CACNA1E: variants seen among roughly 807,000 people sequenced by gnomAD.
CACNA1E encodes calcium voltage-gated channel subunit alpha1 E, also known as voltage-dependent R-type calcium channel subunit alpha-1E.
Under a neutral mutation model 259.2 loss-of-function variants are expected in CACNA1E, and 40 were observed. The observed-to-expected ratio is 0.15, with a 90% CI of 0.12 to 0.20. The LOEUF is 0.20. Among genes scored for constraint, CACNA1E ranks in the 10% least tolerant of loss-of-function variants. The probability of loss-of-function intolerance (pLI) is 1.00; values close to 1 mark genes in which losing one functional copy is unlikely to be tolerated. For missense variants in CACNA1E, 1,874 were observed against 3,040.1 expected (o/e 0.62, Z 9.02); for synonymous variants, 1,104 against 1,138.5 (o/e 0.97, Z 0.61).
chr1:181,557,512 T>C (rs1648860483), intron 3 of CACNA1E, among the ~76,000 whole-genome samples: 1 of 152,218 alleles, frequency 6.6e-6, no homozygotes, highest in African/African-American at 2.4e-5. Flanking sequence ...CCTGTTCGCA[T>C]GCCAAGTACT....
intron 2 of CACNA1E, among the ~76,000 whole-genome samples, chr1:181,418,893 TATTA>T (rs1298234548): frequency 6.6e-6 from 1 of 152,060 alleles, no homozygotes; most frequent in African/African-American, 2.4e-5. Context: ...ACTTTATAAA[TATTA>T]ATTAATTTAT....
rs770533002 is a variant in CACNA1E, at chr1:181,733,668, G to A, written c.3180G>A (p.Thr1060=). Residue 1060 remains threonine (T), a synonymous_variant, in exon 21 of 48, where the codon ACG becomes ACA. Transcript: ENST00000367573. ...ACCTCTCCTGCATCACGGCCAACACGGACAAGGCCACCACCGAGAGCACCA... is the reference window on the plus strand; with the variant it reads ...ACCTCTCCTGCATCACGGCCAACACAGACAAGGCCACCACCGAGAGCACCA... ...EPDLSCITAN[T]DKATTESTSV... The A allele has an allele frequency of 9.9e-6, 15 of 1,520,682 alleles. No homozygotes were observed. Among genetic ancestry groups the A allele is most frequent in the East Asian group, 7.5e-5 (3 of 40,212 alleles). The allele number at this position is 1,520,682 out of a possible 1,614,324, so 94.2% of individuals were successfully genotyped here.
Position 181,352,170 on chromosome 1 carries a change from G to A in CACNA1E, c.-15+34047G>A, listed in dbSNP as rs199643558. ...CATCTTAATCCTGTCATTCCCAGGA[G>A]AGGATTTGATCAGCAGGAAAGAGGG... On this transcript the variant is annotated intron_variant, in intron 1 of 11. Coordinates refer to the CACNA1E transcript ENST00000524607. Among the ~76,000 whole-genome samples, 7 of 152,194 alleles carry A rather than the reference G, an allele frequency of 4.6e-5. No individual in the cohort carries two copies. The East Asian group carries it at 1.2e-3, about 25-fold the overall frequency.
intron 46 of CACNA1E, among the ~76,000 whole-genome samples, chr1:181,796,075 G>C (rs503715): frequency 0.33 from 50,084 of 151,802 alleles, 8,633 homozygotes; most frequent in Middle Eastern, 0.47. Context: ...ATCCTATATT[G>C]TGTGTAGCAT....
At chr1:181,691,068 C>G (rs1651104177) in intron 7 of CACNA1E, among the ~76,000 whole-genome samples, 1 of 151,898 alleles carries the variant, frequency 6.6e-6, no homozygotes, top group African/African-American at 2.4e-5. Flanking sequence ...AATATTTTCT[C>G]TCATCATTTG....
intron 12 of CACNA1E, among the ~76,000 whole-genome samples, chr1:181,719,117 C>T (rs548643322): frequency 1.3e-5 from 2 of 152,294 alleles, no homozygotes; most frequent in South Asian, 2.1e-4. Context: ...TCTTTGTGTC[C>T]GTACCTTTCG....
rs66526388 is a variant in CACNA1E at position 181,686,275 on chromosome 1, G to GTT, written c.1056-24652_1056-24651dup. Reference sequence around the variant, plus strand: ...AGGCTTGGAGGCCAGTAAGAACCAAGTTTTTTTTTTTTTTTTTTTTTTTTT... The same window carrying GTT: ...AGGCTTGGAGGCCAGTAAGAACCAAGTTTTTTTTTTTTTTTTTTTTTTTTTTT... On this transcript the variant is annotated intron_variant, in intron 7 of 47. Coordinates refer to ENST00000367573, the MANE Select transcript of CACNA1E (RefSeq NM_001205293.3). Among the ~76,000 whole-genome samples the GTT allele has an allele frequency of 2.0e-3, 118 of 58,664 alleles. 9 individuals are homozygous for GTT. Among genetic ancestry groups the GTT allele is most frequent in the African/African-American group, 4.0e-3 (64 of 16,124 alleles). The allele number at this position is 58,664 out of a possible 152,430, so 38.5% of individuals were successfully genotyped here.
At chr1:181,497,849 A>G (rs1664896651) in intron 1 of CACNA1E, among the ~76,000 whole-genome samples, 2 of 152,204 alleles carry the variant, frequency 1.3e-5, no homozygotes, top group African/African-American at 2.4e-5. Flanking sequence ...AGTAGATGGA[A>G]GAAGAGCAAC....
At position 181,702,923 on chromosome 1, in the gene CACNA1E, T is replaced by A. The variant is rs573521975; in HGVS notation, c.1056-8031T>A. 3.3e-5 allele frequency among the ~76,000 whole-genome samples: 5 copies of A among 152,338 alleles called. No homozygotes were observed. The East Asian group carries it at 7.7e-4, about 23-fold the overall frequency. On this transcript the variant is annotated intron_variant, in intron 7 of 47. Transcript: ENST00000367573. ...TTATGCTTATTTATCTTGTTTATTGTTTTTCTCCTGCAGTATAATGTAAGC... is the reference window on the plus strand; with the variant it reads ...TTATGCTTATTTATCTTGTTTATTGATTTTCTCCTGCAGTATAATGTAAGC...
intron 1 of CACNA1E, among the ~76,000 whole-genome samples, chr1:181,508,087 GAA>G (rs995061951): frequency 2.6e-5 from 4 of 151,906 alleles, no homozygotes; most frequent in Middle Eastern, 3.4e-3. Context: ...GAGATGCTCT[GAA>G]AAAAAGAGTT....
At chr1:181,510,041 C>T (rs1156614088) in intron 1 of CACNA1E, among the ~76,000 whole-genome samples, 2 of 152,214 alleles carry the variant, frequency 1.3e-5, no homozygotes, top group African/African-American at 4.8e-5. Context: ...TGGATCTGTG[C>T]ACAAGCATCG....
At chr1:181,619,951 C>G (rs1334730611) in intron 6 of CACNA1E, among the ~76,000 whole-genome samples, 2 of 152,010 alleles carry the variant, frequency 1.3e-5, no homozygotes, top group Non-Finnish European at 2.9e-5. Context: ...TACTAGACAT[C>G]CATAGAGGAT....
intron 33 of CACNA1E, 53 bp from the exon 34 acceptor site, chr1:181,763,353 T>C: frequency 1.4e-6 from 2 of 1,461,088 alleles, no homozygotes; most frequent in Non-Finnish European, 1.9e-6. Context: ...GTGCTTAGAT[T>C]TTTCTAAATC....
intron 7 of CACNA1E, among the ~76,000 whole-genome samples, chr1:181,672,207 G>A (rs182714669): frequency 6.6e-6 from 1 of 152,280 alleles, no homozygotes; most frequent in African/African-American, 2.4e-5. Flanking sequence ...GCACAAAGAG[G>A]AGAACAACAG....
chr1:181,703,527 A>G (rs939516795), intron 7 of CACNA1E, among the ~76,000 whole-genome samples: 8 of 152,182 alleles, frequency 5.3e-5, no homozygotes. Context: ...CAGTTCCTTC[A>G]TTATCTCCCT....
intron 17 of CACNA1E, 36 bp from the exon 18 acceptor site, chr1:181,726,029 G>A (rs765100409): frequency 4.6e-5 from 69 of 1,491,616 alleles, no homozygotes; most frequent in Non-Finnish European, 8.4e-6. Flanking sequence ...TCCTTCCTGG[G>A]GATCCCAGGC....
intron 1 of CACNA1E, among the ~76,000 whole-genome samples, chr1:181,383,654 G>T (rs953788909): frequency 8.5e-5 from 13 of 152,086 alleles, no homozygotes; most frequent in African/African-American, 2.7e-4. Context: ...TGGGAAATTA[G>T]GTTTTTATTT....
intron 1 of CACNA1E, among the ~76,000 whole-genome samples, chr1:181,387,487 C>G (rs1655939169): frequency 6.6e-6 from 1 of 152,176 alleles, no homozygotes; most frequent in Non-Finnish European, 1.5e-5. Flanking sequence ...GATGATCTGC[C>G]TCTTCCCCAG....
At chr1:181,403,042 G>A (rs1657217353) in intron 1 of CACNA1E, among the ~76,000 whole-genome samples, 1 of 152,122 alleles carries the variant, frequency 6.6e-6, no homozygotes, top group African/African-American at 2.4e-5. Context: ...ACCATTATTA[G>A]AGCCAGCATG....
Sources: gnomAD v4.1 joint callset for allele counts (sites outside exome capture counted in the v4.1 genomes callset) on GRCh38, gnomAD v4.1.1 for gene constraint, MANE v1.5 for transcripts, NCBI Gene and HGNC (gene_info 2026-07-23, HGNC 2026-07-21) for gene names.